CRIM1: variants seen among roughly 807,000 people sequenced by gnomAD.
CRIM1 encodes cysteine-rich motor neuron 1 protein.
CRIM1 carries 32 observed loss-of-function variants against 116.4 expected under a neutral mutation model. The observed-to-expected ratio is 0.27, with a 90% CI of 0.21 to 0.37. The LOEUF (loss-of-function observed/expected upper bound fraction) is 0.37. CRIM1 is among the 10% of genes least tolerant of loss of function. The probability of loss-of-function intolerance (pLI) is 1.00; values close to 1 mark genes in which losing one functional copy is unlikely to be tolerated. For missense variants in CRIM1, 1,331 were observed against 1,354.8 expected, an observed-to-expected ratio of 0.98 and a Z score of 0.28; for synonymous variants, 590 against 509.2, an observed-to-expected ratio of 1.16 and a Z score of -2.13.
rs554716474 is a variant in CRIM1 at position 36,441,373 on chromosome 2, C to T, written c.621C>T (p.Pro207=). 1.2e-6 allele frequency: 2 copies of T among 1,614,202 alleles called. No homozygotes were observed. The highest frequency in any genetic ancestry group is 2.2e-5 in the East Asian group (1 of 44,880). Residue 207 remains proline (P), a synonymous_variant, in exon 3 of 17, where the codon CCC becomes CCT. Coordinates refer to ENST00000280527, the MANE Select transcript of CRIM1 (RefSeq NM_016441.3). ...YAPPGECCPL[P]SRCVCNPAGC... is the part of the protein sequence containing the mutation. ...CTCCTGGGGAGTGCTGTCCCTTACC[C>T]AGCCGCTGCGTGTGCAACCCCGCAG...
chr2:36,474,241 T>C (rs1402740478), intron 5 of CRIM1, among the ~76,000 whole-genome samples: 1 of 152,216 alleles, frequency 6.6e-6, no homozygotes, highest in African/African-American at 2.4e-5. Context: ...AAATCAGATA[T>C]ATGATTGCAA....
At chr2:36,360,664 T>C (rs1000091990) in intron 1 of CRIM1, among the ~76,000 whole-genome samples, 3 of 152,128 alleles carry the variant, frequency 2.0e-5, no homozygotes, top group South Asian at 4.1e-4. Flanking sequence ...TGGAAGAAAA[T>C]GTATGCGGGA....
chr2:36,539,541 T>G (rs1358899358), intron 14 of CRIM1, among the ~76,000 whole-genome samples: 1 of 152,120 alleles, frequency 6.6e-6, no homozygotes, highest in Non-Finnish European at 1.5e-5. Flanking sequence ...ATTTCTCTGG[T>G]GCTGGGTTGA....
chr2:36,541,418 A>C (rs1347760146), intron 14 of CRIM1, among the ~76,000 whole-genome samples: 2 of 152,120 alleles, frequency 1.3e-5, no homozygotes, highest in Non-Finnish European at 2.9e-5. Context: ...GGTGATTAGC[A>C]CCTGTCTCTT....
rs992422047 is a variant in CRIM1 at position 36,443,715 on chromosome 2, T to C, written c.869+980T>C. ...ATAAGATAGGAGTAGATGTGGTCCA[T>C]AGGTAAGGTAAGTATCAGTTATCTG... On this transcript the variant is annotated intron_variant, in intron 4 of 16. Coordinates refer to ENST00000280527, the MANE Select transcript of CRIM1 (RefSeq NM_016441.3). 3.9e-5 allele frequency among the ~76,000 whole-genome samples: 6 copies of C among 152,222 alleles called. 1 individual carries two copies. The South Asian group carries it at 1.2e-3, about 32-fold the overall frequency.
chr2:36,521,748 G>C (rs893917869), intron 12 of CRIM1, among the ~76,000 whole-genome samples: 1 of 152,134 alleles, frequency 6.6e-6, no homozygotes, highest in South Asian at 2.1e-4. Flanking sequence ...CTAGTTTCAA[G>C]GGAGCCTAGG....
chr2:36,473,719 G>A (rs973564892), intron 5 of CRIM1, among the ~76,000 whole-genome samples: 4 of 151,816 alleles, frequency 2.6e-5, no homozygotes, highest in African/African-American at 9.7e-5. Context: ...TTCTTTTTAT[G>A]GCCACGTAAT....
chr2:36,397,346 C>T (rs1202522466), intron 2 of CRIM1, among the ~76,000 whole-genome samples: 6 of 152,090 alleles, frequency 3.9e-5, no homozygotes, highest in Non-Finnish European at 7.4e-5. Flanking sequence ...TGATATGGCT[C>T]ATAACTTTTG....
intron 1 of CRIM1, among the ~76,000 whole-genome samples, chr2:36,379,714 GT>G (rs1274073377): frequency 6.8e-6 from 1 of 147,840 alleles, no homozygotes; most frequent in Non-Finnish European, 1.5e-5. Context: ...GTCATAATTG[GT>G]CAGGGATTCT....
chr2:36,461,790 A>G (rs1677599331), intron 4 of CRIM1, among the ~76,000 whole-genome samples: 1 of 152,220 alleles, frequency 6.6e-6, no homozygotes, highest in Non-Finnish European at 1.5e-5. Flanking sequence ...TGTGAGTTGT[A>G]TTATGTTGAA....
chr2:36,526,611 C>T (rs1338274195), intron 13 of CRIM1, among the ~76,000 whole-genome samples: 1 of 152,088 alleles, frequency 6.6e-6, no homozygotes, highest in African/African-American at 2.4e-5. Context: ...ATACTCATAT[C>T]CCCATATGAG....
intron 4 of CRIM1, among the ~76,000 whole-genome samples, chr2:36,454,085 A>G (rs1455948934): frequency 6.6e-6 from 1 of 152,172 alleles, no homozygotes; most frequent in Non-Finnish European, 1.5e-5. Flanking sequence ...ACAAGTGAAG[A>G]CGCTTCTTAG....
intron 1 of CRIM1, among the ~76,000 whole-genome samples, chr2:36,383,837 C>A (rs929347317): frequency 1.3e-5 from 2 of 152,044 alleles, no homozygotes; most frequent in African/African-American, 2.4e-5. Context: ...AAATGGGATC[C>A]GTAAAGGCCC....
intron 2 of CRIM1, among the ~76,000 whole-genome samples, chr2:36,434,070 G>A (rs1675102994): frequency 6.6e-6 from 1 of 152,188 alleles, no homozygotes; most frequent in South Asian, 2.1e-4. Flanking sequence ...GCCAAAAAAG[G>A]TTATGATAAA....
chr2:36,433,007 C>G (rs765284562), intron 2 of CRIM1, among the ~76,000 whole-genome samples: 9 of 152,050 alleles, frequency 5.9e-5, no homozygotes, highest in African/African-American at 1.9e-4. Context: ...GATTACCGAG[C>G]CCCACTCCCA....
intron 2 of CRIM1, among the ~76,000 whole-genome samples, chr2:36,430,707 G>C (rs1169133763): frequency 6.6e-6 from 1 of 152,230 alleles, no homozygotes; most frequent in African/African-American, 2.4e-5. Context: ...AGGAGTCCTA[G>C]GACCAGAATG....
Position 36,513,771 on chromosome 2 carries a change from AG to A in CRIM1, c.1990+7del. 6.2e-7 allele frequency: 1 copy of A among 1,613,044 alleles called. No homozygotes were observed. Among genetic ancestry groups the A allele is most frequent in the Non-Finnish European group, 8.5e-7 (1 of 1,179,358 alleles). ...GTGCTGCCCATCATGTGCAGGTAAA[AG>A]CTGGCTGCCATCTGTGTGCTCCATA... is the stretch of plus-strand genomic sequence containing the variant. On this transcript the variant is annotated splice_region_variant and intron_variant, in intron 11 of 16. Coordinates refer to ENST00000280527, the MANE Select transcript of CRIM1 (RefSeq NM_016441.3).
rs184012568 is a variant in CRIM1 at position 36,494,728 on chromosome 2, G to A, written c.1373-4491G>A. On this transcript the variant is annotated intron_variant, in intron 7 of 16. Transcript: ENST00000280527. Reference sequence around the variant, plus strand: ...CATTTTTGTTCTTTATTGCTTCTAGGCTCAGAATATTTTAGAATTCTTCTC... The same window carrying A: ...CATTTTTGTTCTTTATTGCTTCTAGACTCAGAATATTTTAGAATTCTTCTC... Among the ~76,000 whole-genome samples the A allele has an allele frequency of 7.2e-5, 11 of 152,242 alleles. 1 individual carries two copies. The highest frequency in any genetic ancestry group is 1.3e-4 in the Admixed American group (2 of 15,282).
intron 2 of CRIM1, among the ~76,000 whole-genome samples, chr2:36,429,013 C>T (rs1302097222): frequency 1.3e-5 from 2 of 152,158 alleles, no homozygotes; most frequent in Non-Finnish European, 2.9e-5. Context: ...TAGAGTTGCG[C>T]CTTCCCCTTC....
Sources: allele counts gnomAD v4.1 joint callset (sites outside exome capture counted in the v4.1 genomes callset), GRCh38; gene constraint gnomAD v4.1.1; transcripts MANE v1.5; gene names NCBI Gene and HGNC (gene_info 2026-07-23, HGNC 2026-07-21).